Variants in CNTNAP3B observed in about 807,000 individuals in gnomAD.
CNTNAP3B encodes the protein contactin associated protein family member 3B.
A neutral mutation model predicts 108.9 loss-of-function variants in CNTNAP3B; 25 were observed. The observed-to-expected ratio is 0.23, with a 90% CI of 0.17 to 0.32. The LOEUF (loss-of-function observed/expected upper bound fraction) is 0.32. CNTNAP3B is among the 10% of genes least tolerant of loss of function. The pLI is 1.00. For missense variants in CNTNAP3B, 252 were observed against 1,210.4 expected, an observed-to-expected ratio of 0.21 and a Z score of 11.75; for synonymous variants, 103 against 473.4, an observed-to-expected ratio of 0.22 and a Z score of 10.16.
chr9:42,021,779 G>A (rs1050788917), intron 3 of CNTNAP3B, among the ~76,000 whole-genome samples: 4 of 131,002 alleles, frequency 3.1e-5, no homozygotes, highest in Admixed American at 7.7e-5. Flanking sequence ...TGAGGCACAT[G>A]GAAGTTCAAT....
chr9:41,934,620 C>T (rs1824098386), intron 14 of CNTNAP3B, among the ~76,000 whole-genome samples: 1 of 152,294 alleles, frequency 6.6e-6, no homozygotes, highest in Non-Finnish European at 1.5e-5. Context: ...AAGTTTATCC[C>T]TAACAATGCT....
At chr9:41,967,885 C>T (rs1215201740) in intron 10 of CNTNAP3B, among the ~76,000 whole-genome samples, 4 of 152,268 alleles carry the variant, frequency 2.6e-5, no homozygotes, top group Non-Finnish European at 4.4e-5. Flanking sequence ...GATTATTGTA[C>T]ACATCATGGC....
chr9:42,066,778 T>G (rs1228282062), intron 3 of CNTNAP3B, among the ~76,000 whole-genome samples: 4 of 137,480 alleles, frequency 2.9e-5, no homozygotes, highest in African/African-American at 5.7e-5. Context: ...ACTTGGTTCC[T>G]ATTTTTTATG....
At chr9:41,940,741 G>T (rs1156804486) in intron 13 of CNTNAP3B, among the ~76,000 whole-genome samples, 1 of 152,194 alleles carries the variant, frequency 6.6e-6, no homozygotes, top group Admixed American at 6.5e-5. Context: ...CGTGAACCCG[G>T]GAGGCGGAGC....
chr9:42,116,563 A>G (rs1828322099), intron 1 of CNTNAP3B, among the ~76,000 whole-genome samples: 1 of 138,382 alleles, frequency 7.2e-6, no homozygotes, highest in Admixed American at 7.2e-5. Flanking sequence ...CAGCCACTGC[A>G]AAAACATGCC....
intron 3 of CNTNAP3B, among the ~76,000 whole-genome samples, chr9:42,018,672 C>A (rs1261522367): frequency 2.6e-5 from 4 of 151,730 alleles, no homozygotes; most frequent in Admixed American, 6.6e-5. Flanking sequence ...CTGACTCCTG[C>A]GACTGTCAAA....
chr9:42,053,865 C>T (rs1448212989), intron 3 of CNTNAP3B, among the ~76,000 whole-genome samples: 21 of 145,558 alleles, frequency 1.4e-4, no homozygotes, highest in African/African-American at 4.5e-4. Context: ...TTTGAGACAG[C>T]GATGCGCTGC....
chr9:42,076,486 A>G (rs1440066154), intron 3 of CNTNAP3B, among the ~76,000 whole-genome samples: 1 of 124,190 alleles, frequency 8.1e-6, no homozygotes, highest in African/African-American at 3.3e-5. Context: ...AGGACACACA[A>G]TTCTTCAAGT....
chr9:42,036,126 A>G (rs1167346994), intron 3 of CNTNAP3B, among the ~76,000 whole-genome samples: 2 of 149,860 alleles, frequency 1.3e-5, no homozygotes, highest in African/African-American at 2.5e-5. Flanking sequence ...AAACAAATGA[A>G]AACTCCTGAC....
At position 41,929,374 on chromosome 9, in the gene CNTNAP3B, C is replaced by G; in HGVS notation, c.2308G>C (p.Gly770Arg). 1 of 1,544,974 alleles carries G rather than the reference C, an allele frequency of 6.5e-7. No homozygotes were observed. The highest frequency in any genetic ancestry group is 2.3e-5 in the East Asian group (1 of 43,458). Residue 770 changes from glycine (G) to arginine (R), a missense_variant, in exon 15 of 24, where the codon GGC (glycine) becomes CGC (arginine). By Grantham distance (125) the Gly-to-Arg change is moderately radical (BLOSUM62 -2). Coordinates refer to ENST00000377561, the MANE Select transcript of CNTNAP3B (RefSeq NM_001201380.3). Reference sequence around the variant, plus strand: ...TAATCTGCTTCGGAATGTGGTTGGCCTGTGTCTGTCATCACAATCTGAGTG... The same window carrying G: ...TAATCTGCTTCGGAATGTGGTTGGCGTGTGTCTGTCATCACAATCTGAGTG... The part of the protein sequence containing the change: ...PVTQIVMTDT[G>R]QPHSEADYTL...
At chr9:41,934,319 T>C (rs1445169301) in intron 14 of CNTNAP3B, among the ~76,000 whole-genome samples, 27 of 151,496 alleles carry the variant, frequency 1.8e-4, no homozygotes, top group African/African-American at 4.1e-4. Flanking sequence ...TCCAGGTTCA[T>C]GCCATTCTCC....
chr9:41,943,823 A>G (rs527738174), intron 13 of CNTNAP3B, among the ~76,000 whole-genome samples: 16 of 152,256 alleles, frequency 1.1e-4, no homozygotes, highest in African/African-American at 3.6e-4. Flanking sequence ...AGCAATCACC[A>G]AGCAGGTTAA....
Position 42,011,848 on chromosome 9 carries a change from G to A in CNTNAP3B, c.538+1530C>T, listed in dbSNP as rs1414937263. Among the ~76,000 whole-genome samples the A allele has an allele frequency of 2.1e-5, 2 of 95,754 alleles. 1 individual carries two copies. The highest frequency in any genetic ancestry group is 6.3e-4 in the South Asian group (2 of 3,166). 62.8% of individuals were successfully genotyped at this position (95,754 alleles called of 152,430 possible). On this transcript the variant is annotated intron_variant, in intron 4 of 23. Transcript: ENST00000377561. The stretch of plus-strand genomic sequence containing the variant: ...ACAATTATTCTTCTAAGGAAAAAAA[G>A]ACAATGTAGATGTCCACTTGTTCTA...
In CNTNAP3B at chr9:41,972,495, T is replaced by C. The variant is rs535049514; in HGVS notation, c.1478-2250A>G. Among the ~76,000 whole-genome samples, 50 of 137,638 alleles carry C rather than the reference T, an allele frequency of 3.6e-4. 4 individuals are homozygous for C. In the South Asian group the frequency reaches 6.1e-3, roughly 17 times the overall value. 90.3% of individuals were successfully genotyped at this position (137,638 alleles called of 152,430 possible). On this transcript the variant is annotated intron_variant, in intron 9 of 23. Coordinates refer to ENST00000377561, the MANE Select transcript of CNTNAP3B (RefSeq NM_001201380.3). ...TTCCATAAAAATTAAATGTTGTGTT[T>C]AGATTTCCATTTTAATAACTGAAGC...
At position 42,128,385 on chromosome 9, in the gene CNTNAP3B, C is replaced by T. The variant is rs904784251; in HGVS notation, c.85+625G>A. On this transcript the variant is annotated intron_variant, in intron 1 of 23. Coordinates refer to ENST00000377561, the MANE Select transcript of CNTNAP3B (RefSeq NM_001201380.3). ...TCCAGAGAGGAATCATTTTCAAGAT[C>T]ACCTAAATGACTGGCTGAGTTTTGT... Among the ~76,000 whole-genome samples the T allele has an allele frequency of 3.7e-5, 5 of 135,408 alleles. 2 individuals are homozygous for T. The highest frequency in any genetic ancestry group is 1.5e-4 in the African/African-American group (5 of 33,570). The allele number at this position is 135,408 out of a possible 152,430, so 88.8% of individuals were successfully genotyped here.
At chr9:42,041,441 A>T (rs866721763) in intron 3 of CNTNAP3B, among the ~76,000 whole-genome samples, 18 of 151,160 alleles carry the variant, frequency 1.2e-4, no homozygotes, top group Admixed American at 2.6e-4. Flanking sequence ...ATGAACAGAC[A>T]CTTCTCAAAA....
rs151035528 is a variant in CNTNAP3B at position 41,975,076 on chromosome 9, T to C, written c.1478-4831A>G. On this transcript the variant is annotated intron_variant, in intron 9 of 23. Transcript: ENST00000377561. ...CTCACTAACGTGGTGGGAACGGTGG[T>C]GCACAACATCATGCAGAAGCGCGGC... 1,328 of 217,702 alleles carry C rather than the reference T, an allele frequency of 6.1e-3. 195 individuals carry two copies. Among genetic ancestry groups the C allele is most frequent in the African/African-American group, 0.035 (1,221 of 35,010 alleles). The allele number at this position is 217,702 out of a possible 1,614,324, so 13.5% of individuals were successfully genotyped here. A position where few individuals can be genotyped will look rare whatever the true frequency, so the allele number is the denominator to read the frequency against.
intron 3 of CNTNAP3B, among the ~76,000 whole-genome samples, chr9:42,045,750 C>T (rs1826859571): frequency 6.8e-6 from 1 of 146,162 alleles, no homozygotes; most frequent in Non-Finnish European, 1.5e-5. Context: ...ATTGGCATGT[C>T]ATTTTCAGCT....
rs563914578 is a variant in CNTNAP3B, at chr9:42,110,685, G to A, written c.86-5946C>T. On this transcript the variant is annotated intron_variant, in intron 1 of 23. Transcript: ENST00000377561. ...GGGAATCGAATCACAAACAGGGAAG[G>A]GGGTGCCCATACCTTCTTCAGGCCA... Among the ~76,000 whole-genome samples the A allele has an allele frequency of 6.5e-3, 898 of 137,832 alleles. 199 individuals are homozygous for A. Among genetic ancestry groups the A allele is most frequent in the African/African-American group, 0.025 (856 of 34,614 alleles). The allele number at this position is 137,832 out of a possible 152,430, so 90.4% of individuals were successfully genotyped here.
Sources: allele counts gnomAD v4.1 joint callset (sites outside exome capture counted in the v4.1 genomes callset), GRCh38; gene constraint gnomAD v4.1.1; transcripts MANE v1.5; gene names NCBI Gene and HGNC (gene_info 2026-07-23, HGNC 2026-07-21).